Variants in LRP1B observed in about 807,000 individuals in gnomAD.
LRP1B encodes the protein low-density lipoprotein receptor-related protein 1B.
Under a neutral mutation model 556.6 loss-of-function variants are expected in LRP1B, and 217 were observed. The observed-to-expected ratio is 0.39, with a 90% CI of 0.35 to 0.44. The LOEUF (loss-of-function observed/expected upper bound fraction) is 0.44. LRP1B is among the 20% of genes least tolerant of loss of function. The pLI is 1.00. For synonymous variants in LRP1B, 2,047 were observed against 1,865.8 expected (o/e 1.10, Z -2.50); for missense variants, 5,053 against 5,620.8 (o/e 0.90, Z 3.23).
intron 83 of LRP1B, among the ~76,000 whole-genome samples, chr2:140,300,563 G>A (rs1683779611): frequency 6.6e-6 from 1 of 152,144 alleles, no homozygotes; most frequent in South Asian, 2.1e-4. Flanking sequence ...AACATCAGTT[G>A]ACATTAGGAA....
intron 2 of LRP1B, among the ~76,000 whole-genome samples, chr2:141,717,563 T>C (rs1469129397): frequency 6.6e-6 from 1 of 152,178 alleles, no homozygotes; most frequent in Middle Eastern, 3.2e-3. Flanking sequence ...TCTAGGGCTG[T>C]TCTTCTGAGA....
chr2:140,803,274 T>TTG (rs1316363667), intron 32 of LRP1B, among the ~76,000 whole-genome samples: 1 of 133,302 alleles, frequency 7.5e-6, no homozygotes, highest in African/African-American at 3.0e-5. Context: ...TTTTTTTTTT[T>TTG]TTTTTTTTTT....
chr2:140,381,029 A>C (rs1291513884), intron 67 of LRP1B, among the ~76,000 whole-genome samples: 2 of 152,176 alleles, frequency 1.3e-5, no homozygotes, highest in Non-Finnish European at 2.9e-5. Flanking sequence ...AATAATAATC[A>C]TGAATTATTT....
chr2:140,327,864 G>A (rs1680573232), intron 79 of LRP1B, among the ~76,000 whole-genome samples: 1 of 151,850 alleles, frequency 6.6e-6, no homozygotes, highest in South Asian at 2.1e-4. Flanking sequence ...ACTATTGGAT[G>A]GAATTACATC....
rs1257643190 is a variant in LRP1B, at chr2:140,583,348, A to T, written c.7194+15283T>A. Among the ~76,000 whole-genome samples, 4 of 151,172 alleles carry T rather than the reference A, an allele frequency of 2.6e-5. No homozygotes were observed. In the South Asian group the frequency reaches 6.3e-4, roughly 24 times the overall value. ...CACCACCACATCCAGCTAACTTTTT[A>T]TATTTTTAGTATAGATGGGGTTTCA... On this transcript the variant is annotated intron_variant, in intron 43 of 90. Transcript: ENST00000389484.
chr2:140,896,294 G>A (rs1424299452), intron 23 of LRP1B, among the ~76,000 whole-genome samples: 1 of 151,940 alleles, frequency 6.6e-6, no homozygotes, highest in Non-Finnish European at 1.5e-5. Context: ...AATTATAAAA[G>A]TAGCATTTAT....
At chr2:140,334,700 A>G (rs1680981441) in intron 78 of LRP1B, 141 bp from the exon 79 acceptor site, 1 of 489,074 alleles carries the variant, frequency 2.0e-6, no homozygotes, top group Non-Finnish European at 3.6e-6. Context: ...CAAAACACAC[A>G]GAATGAGAAC....
At chr2:141,552,422 C>G (rs1685787804) in intron 2 of LRP1B, among the ~76,000 whole-genome samples, 1 of 151,878 alleles carries the variant, frequency 6.6e-6, no homozygotes, top group African/African-American at 2.4e-5. Context: ...TGGTAATATG[C>G]TTAAAACAAA....
intron 41 of LRP1B, among the ~76,000 whole-genome samples, chr2:140,667,074 AG>A (rs1333971750): frequency 6.6e-6 from 1 of 152,204 alleles, no homozygotes; most frequent in African/African-American, 2.4e-5. Context: ...GCTAGGAAAA[AG>A]TTTTCAGAAA....
chr2:140,285,142 T>C (rs1319727708), intron 84 of LRP1B, among the ~76,000 whole-genome samples: 2 of 149,622 alleles, frequency 1.3e-5, no homozygotes, highest in Non-Finnish European at 3.0e-5. Context: ...TGTGTGTAGA[T>C]ACACATGTAT....
At chr2:141,849,222 G>A (rs1485102766) in intron 1 of LRP1B, among the ~76,000 whole-genome samples, 4 of 151,504 alleles carry the variant, frequency 2.6e-5, no homozygotes, top group Non-Finnish European at 5.9e-5. Context: ...AAGTTTTTAA[G>A]CAGATTCTCT....
intron 7 of LRP1B, among the ~76,000 whole-genome samples, chr2:141,124,138 A>G (rs1173579836): frequency 1.3e-5 from 2 of 152,114 alleles, no homozygotes; most frequent in African/African-American, 4.8e-5. Flanking sequence ...AACTTTCATA[A>G]AATATGAAAC....
At chr2:140,931,269 A>G (rs566138713) in intron 20 of LRP1B, among the ~76,000 whole-genome samples, 2 of 152,242 alleles carry the variant, frequency 1.3e-5, no homozygotes, top group African/African-American at 2.4e-5. Flanking sequence ...TGGATTTGCC[A>G]TATTTCTTGG....
At chr2:141,321,580 C>T (rs1687245020) in intron 3 of LRP1B, among the ~76,000 whole-genome samples, 1 of 151,946 alleles carries the variant, frequency 6.6e-6, no homozygotes, top group African/African-American at 2.4e-5. Context: ...AAATACAATG[C>T]CCTGATTGTA....
chr2:140,639,590 G>A (rs968359146), intron 41 of LRP1B, among the ~76,000 whole-genome samples: 1 of 152,138 alleles, frequency 6.6e-6, no homozygotes, highest in African/African-American at 2.4e-5. Context: ...AATTTATGCA[G>A]GGTGATGCTT....
intron 83 of LRP1B, among the ~76,000 whole-genome samples, chr2:140,300,604 G>A (rs10211648): frequency 0.31 from 46,682 of 151,694 alleles, 7,931 homozygotes; most frequent in Non-Finnish European, 0.4. Context: ...TTATGTTTCT[G>A]GGCTCTAAAT....
At chr2:140,428,955 C>T (rs1395497809) in intron 66 of LRP1B, among the ~76,000 whole-genome samples, 1 of 152,106 alleles carries the variant, frequency 6.6e-6, no homozygotes, top group East Asian at 1.9e-4. Context: ...ACTACAGCCA[C>T]ATCTCATTGC....
chr2:141,303,962 G>C (rs1030629139), intron 3 of LRP1B, among the ~76,000 whole-genome samples: 18 of 151,990 alleles, frequency 1.2e-4, no homozygotes, highest in Non-Finnish European at 2.4e-4. Flanking sequence ...TTCTAATTGG[G>C]GGAAAGATGA....
chr2:141,732,110 T>C (rs1197509378), intron 2 of LRP1B, among the ~76,000 whole-genome samples: 1 of 152,146 alleles, frequency 6.6e-6, no homozygotes, highest in African/African-American at 2.4e-5. Flanking sequence ...GACCTTCTCA[T>C]ATCACCTGAA....
Sources: allele counts gnomAD v4.1 joint callset (sites outside exome capture counted in the v4.1 genomes callset), GRCh38; gene constraint gnomAD v4.1.1; transcripts MANE v1.5; gene names NCBI Gene and HGNC (gene_info 2026-07-23, HGNC 2026-07-21).